TMTC2: variants seen among roughly 807,000 people sequenced by gnomAD.
TMTC2 encodes transmembrane O-mannosyltransferase targeting cadherins 2, also known as protein O-mannosyl-transferase TMTC2.
TMTC2 carries 43 observed loss-of-function variants against 82.4 expected under a neutral mutation model. The observed-to-expected ratio is 0.52, with a 90% confidence interval of 0.41 to 0.67. The LOEUF is 0.67. Ranked by LOEUF, TMTC2 falls within the 30% of genes least tolerant of loss-of-function variation. The pLI is 0.00. For synonymous variants in TMTC2, 408 were observed against 381.9 expected (o/e 1.07, Z -0.80); for missense variants, 919 against 1,012.4 (o/e 0.91, Z 1.25).
chr12:83,029,575 G>A (rs1474814185), intron 8 of TMTC2, among the ~76,000 whole-genome samples: 1 of 152,288 alleles, frequency 6.6e-6, no homozygotes, highest in East Asian at 1.9e-4. Context: ...ATTAGGAGCA[G>A]GCAGGTAAGG....
At chr12:82,770,828 A>G (rs568164006) in intron 1 of TMTC2, among the ~76,000 whole-genome samples, 2 of 152,218 alleles carry the variant, frequency 1.3e-5, no homozygotes, top group South Asian at 2.1e-4. Flanking sequence ...TTCCTTGCTT[A>G]TTATCTATTT....
chr12:82,923,481 C>A (rs1488978737), intron 3 of TMTC2, among the ~76,000 whole-genome samples: 1 of 151,902 alleles, frequency 6.6e-6, no homozygotes, highest in Non-Finnish European at 1.5e-5. Context: ...AATAGAAGTC[C>A]TTTTTGAAGT....
At chr12:82,893,074 A>G (rs2137174581) in intron 2 of TMTC2, among the ~76,000 whole-genome samples, 1 of 152,230 alleles carries the variant, frequency 6.6e-6, no homozygotes, top group East Asian at 1.9e-4. Flanking sequence ...TCGGCAGTTT[A>G]AAAGTTAGAT....
Position 82,963,826 on chromosome 12 carries a change from T to C in TMTC2, c.1599-1198T>C, listed in dbSNP as rs1440329038. Among the ~76,000 whole-genome samples the C allele has an allele frequency of 2.2e-3, 203 of 94,300 alleles. 23 individuals are homozygous for C. Among genetic ancestry groups the C allele is most frequent in the Admixed American group, 0.012 (120 of 10,150 alleles). The allele number at this position is 94,300 out of a possible 152,430, so 61.9% of individuals were successfully genotyped here. A position where few individuals can be genotyped will look rare whatever the true frequency, so the allele number is the denominator to read the frequency against. On this transcript the variant is annotated intron_variant, in intron 4 of 11. Transcript: ENST00000321196. ...ATATATATATATATATATATATATA[T>C]ATATATATATATATATATATATATG...
At chr12:82,902,767 C>A (rs751628559) in intron 3 of TMTC2, among the ~76,000 whole-genome samples, 1 of 152,102 alleles carries the variant, frequency 6.6e-6, no homozygotes, top group Non-Finnish European at 1.5e-5. Flanking sequence ...GTACTATGCT[C>A]GCTTCTTGGG....
At chr12:82,762,653 G>A (rs755363061) in intron 1 of TMTC2, among the ~76,000 whole-genome samples, 1 of 152,040 alleles carries the variant, frequency 6.6e-6, no homozygotes, top group African/African-American at 2.4e-5. Context: ...AAAAAAATGA[G>A]TAGAGAAATA....
intron 1 of TMTC2, among the ~76,000 whole-genome samples, chr12:82,787,429 A>T (rs1045395054): frequency 6.6e-6 from 1 of 152,150 alleles, no homozygotes; most frequent in East Asian, 1.9e-4. Flanking sequence ...GAACCTAGTT[A>T]TATGTAAATG....
At chr12:82,915,157 A>T (rs1267242752) in intron 3 of TMTC2, among the ~76,000 whole-genome samples, 1 of 152,080 alleles carries the variant, frequency 6.6e-6, no homozygotes, top group Non-Finnish European at 1.5e-5. Context: ...AAACTAAGAG[A>T]GGCAGGATGC....
At chr12:82,985,064 AT>A (rs948105936) in intron 7 of TMTC2, among the ~76,000 whole-genome samples, 3 of 151,584 alleles carry the variant, frequency 2.0e-5, no homozygotes, top group Admixed American at 6.6e-5. Flanking sequence ...AATTAAAATA[AT>A]TTTTTTTGTT....
intron 10 of TMTC2, among the ~76,000 whole-genome samples, chr12:83,054,071 A>C (rs551181548): frequency 6.6e-6 from 1 of 152,198 alleles, no homozygotes; most frequent in East Asian, 1.9e-4. Context: ...CAAAGCTCTA[A>C]GACTCAGTGC....
chr12:82,728,807 G>C (rs1874598994), intron 1 of TMTC2, among the ~76,000 whole-genome samples: 1 of 152,244 alleles, frequency 6.6e-6, no homozygotes, highest in Non-Finnish European at 1.5e-5. Context: ...TGCACGCAGT[G>C]CTTGCAGGCC....
At position 83,100,250 on chromosome 12, in the gene TMTC2, C is replaced by T. The variant is rs184667622; in HGVS notation, c.2332-31960C>T. On this transcript the variant is annotated intron_variant, in intron 11 of 11. Coordinates refer to ENST00000321196, the MANE Select transcript of TMTC2 (RefSeq NM_152588.3). ...GGAGTTTTTCAACCTGCGAGCACATCGCTGGGTCACCTTCAAGTTTTATAA... is the reference window on the plus strand; with the variant it reads ...GGAGTTTTTCAACCTGCGAGCACATTGCTGGGTCACCTTCAAGTTTTATAA... Among the ~76,000 whole-genome samples the T allele has an allele frequency of 2.3e-3, 349 of 152,148 alleles. 1 individual carries two copies. Among genetic ancestry groups the T allele is most frequent in the Middle Eastern group, 6.8e-3 (2 of 292 alleles).
chr12:82,812,361 C>A (rs760747686), intron 1 of TMTC2, among the ~76,000 whole-genome samples: 2 of 151,790 alleles, frequency 1.3e-5, no homozygotes, highest in Non-Finnish European at 2.9e-5. Flanking sequence ...AAAAAGAATC[C>A]CATAAGAAGT....
Position 83,020,440 on chromosome 12 carries a change from A to G in TMTC2, c.2071-10358A>G, listed in dbSNP as rs73152216. On this transcript the variant is annotated intron_variant, in intron 8 of 11. Coordinates refer to ENST00000321196, the MANE Select transcript of TMTC2 (RefSeq NM_152588.3). ...CTGAAAACAGCATATTTTAATATTTAAAATGATTTGCATAATTTAAAAATG... is the reference window on the plus strand; with the variant it reads ...CTGAAAACAGCATATTTTAATATTTGAAATGATTTGCATAATTTAAAAATG... Among the ~76,000 whole-genome samples the G allele has an allele frequency of 5.5e-3, 836 of 152,362 alleles. 3 individuals carry two copies. Among genetic ancestry groups the G allele is most frequent in the Non-Finnish European group, 8.6e-3 (587 of 68,040 alleles).
chr12:82,942,733 C>T (rs755753197), intron 4 of TMTC2, among the ~76,000 whole-genome samples: 9 of 151,722 alleles, frequency 5.9e-5, no homozygotes, highest in African/African-American at 2.2e-4. Context: ...TGGATTAAGA[C>T]AAGAATTACT....
intron 2 of TMTC2, among the ~76,000 whole-genome samples, chr12:82,887,887 C>G (rs1251711971): frequency 6.6e-6 from 1 of 152,070 alleles, no homozygotes; most frequent in Non-Finnish European, 1.5e-5. Context: ...CGAGACCAGC[C>G]TGACCAACAT....
At chr12:82,865,512 A>G (rs1322039858) in intron 2 of TMTC2, among the ~76,000 whole-genome samples, 1 of 152,188 alleles carries the variant, frequency 6.6e-6, no homozygotes, top group East Asian at 1.9e-4. Flanking sequence ...TTCATAAAGC[A>G]AGTCCTTAGA....
At chr12:83,024,060 A>G (rs1332971381) in intron 8 of TMTC2, among the ~76,000 whole-genome samples, 1 of 152,140 alleles carries the variant, frequency 6.6e-6, no homozygotes, top group Non-Finnish European at 1.5e-5. Context: ...CTTAACATCA[A>G]TGTATTGTAT....
intron 10 of TMTC2, among the ~76,000 whole-genome samples, chr12:83,059,947 C>T (rs190556656): frequency 1.3e-5 from 2 of 151,636 alleles, no homozygotes; most frequent in Admixed American, 1.3e-4. Context: ...TTTTATTTTC[C>T]TCGGGAGAAA....
Sources: allele counts gnomAD v4.1 joint callset (sites outside exome capture counted in the v4.1 genomes callset), GRCh38; gene constraint gnomAD v4.1.1; transcripts MANE v1.5; gene names NCBI Gene and HGNC (gene_info 2026-07-23, HGNC 2026-07-21).